Variants in RAB28 observed in about 807,000 individuals in gnomAD.
RAB28 encodes RAB28, member RAS oncogene family.
RAB28 carries 24 observed loss-of-function variants against 31.7 expected under a neutral mutation model. That is an observed-to-expected ratio of 0.76 (90% confidence interval 0.55 to 1.06). The LOEUF (loss-of-function observed/expected upper bound fraction) is 1.06, where lower values mean the gene tolerates loss of function less well. Ranked by LOEUF, RAB28 falls within the 50% of genes least tolerant of loss-of-function variation. The probability of loss-of-function intolerance (pLI) is 0.00; values close to 1 mark genes in which losing one functional copy is unlikely to be tolerated. For synonymous variants in RAB28, 100 were observed against 90.4 expected, an observed-to-expected ratio of 1.11 and a Z score of -0.60; for missense variants, 254 against 258.5, an observed-to-expected ratio of 0.98 and a Z score of 0.12.
At chr4:13,468,178 T>C (rs1180671197) in intron 3 of RAB28, among the ~76,000 whole-genome samples, 1 of 151,958 alleles carries the variant, frequency 6.6e-6, no homozygotes, top group Non-Finnish European at 1.5e-5. Context: ...GAAGACTTTT[T>C]TCATTAAGCA....
chr4:13,436,609 A>G (rs371904277), intron 4 of RAB28, among the ~76,000 whole-genome samples: 2 of 152,110 alleles, frequency 1.3e-5, no homozygotes, highest in African/African-American at 4.8e-5. Context: ...TGCCATAGTA[A>G]CAAAAAATAA....
At chr4:13,404,184 G>C (rs1376527435) in intron 4 of RAB28, among the ~76,000 whole-genome samples, 2 of 152,168 alleles carry the variant, frequency 1.3e-5, no homozygotes, top group African/African-American at 2.4e-5. Context: ...TTTGAGACCA[G>C]CCTGACCAAC....
At chr4:13,438,249 G>T (rs955154603) in intron 4 of RAB28, among the ~76,000 whole-genome samples, 2 of 152,090 alleles carry the variant, frequency 1.3e-5, no homozygotes, top group South Asian at 2.1e-4. Flanking sequence ...ATTGTTTAAG[G>T]TTATAGTTAT....
chr4:13,440,014 A>G (rs1359499970), intron 4 of RAB28, among the ~76,000 whole-genome samples: 2 of 152,228 alleles, frequency 1.3e-5, no homozygotes, highest in African/African-American at 4.8e-5. Context: ...ACAACTAATC[A>G]TAACATATTA....
At chr4:13,399,809 T>G (rs1021032684) in intron 4 of RAB28, among the ~76,000 whole-genome samples, 6 of 152,222 alleles carry the variant, frequency 3.9e-5, no homozygotes, top group Admixed American at 3.3e-4. Flanking sequence ...AGTTATTTTG[T>G]GTTACACACA....
intron 4 of RAB28, among the ~76,000 whole-genome samples, chr4:13,422,072 C>G (rs1295747020): frequency 1.3e-5 from 2 of 151,760 alleles, no homozygotes; most frequent in Non-Finnish European, 2.9e-5. Context: ...AAAAACAACC[C>G]CATCAAAAAG....
At chr4:13,379,752 G>T (rs984082808) in intron 5 of RAB28, among the ~76,000 whole-genome samples, 7 of 152,088 alleles carry the variant, frequency 4.6e-5, no homozygotes, top group Non-Finnish European at 8.8e-5. Flanking sequence ...GGTGGCATCA[G>T]GGAGAAACAA....
At chr4:13,466,827 G>T (rs1018172882) in intron 3 of RAB28, among the ~76,000 whole-genome samples, 7 of 151,736 alleles carry the variant, frequency 4.6e-5, no homozygotes, top group African/African-American at 1.7e-4. Context: ...ATGTATATAT[G>T]CATAACGGAA....
At chr4:13,380,768 A>G (rs1211387011) in intron 5 of RAB28, among the ~76,000 whole-genome samples, 1 of 152,114 alleles carries the variant, frequency 6.6e-6, no homozygotes, top group African/African-American at 2.4e-5. Context: ...CAAAACACCA[A>G]AAGCTTACGG....
At chr4:13,377,442 T>C (rs934811384) in intron 5 of RAB28, among the ~76,000 whole-genome samples, 2 of 152,248 alleles carry the variant, frequency 1.3e-5, no homozygotes, top group South Asian at 2.1e-4. Flanking sequence ...CTTATGCCAC[T>C]TGTACCCTAA....
chr4:13,384,229 C>A (rs1279575649), intron 4 of RAB28, among the ~76,000 whole-genome samples: 1 of 152,188 alleles, frequency 6.6e-6, no homozygotes, highest in Admixed American at 6.5e-5. Context: ...CGCCAGCACC[C>A]GACCCCCATG....
chr4:13,405,245 T>A (rs1332179028), intron 4 of RAB28, among the ~76,000 whole-genome samples: 5 of 152,140 alleles, frequency 3.3e-5, no homozygotes, highest in African/African-American at 1.2e-4. Context: ...AAATGATACA[T>A]TTTAACTTTG....
chr4:13,438,290 A>G (rs961103163), intron 4 of RAB28, among the ~76,000 whole-genome samples: 1 of 152,210 alleles, frequency 6.6e-6, no homozygotes, highest in African/African-American at 2.4e-5. Context: ...CATAATTCAC[A>G]TATCATAAAG....
intron 4 of RAB28, among the ~76,000 whole-genome samples, chr4:13,453,334 T>C (rs1715078004): frequency 1.3e-5 from 2 of 152,166 alleles, no homozygotes; most frequent in African/African-American, 2.4e-5. Context: ...GGTTGTTCTG[T>C]ATACCCTTTG....
At chr4:13,415,266 C>G (rs566989635) in intron 4 of RAB28, among the ~76,000 whole-genome samples, 13 of 152,348 alleles carry the variant, frequency 8.5e-5, no homozygotes, top group South Asian at 6.2e-4. Flanking sequence ...CCCTTGCTCA[C>G]TCTCGGGGCC....
rs761207746 is a variant in RAB28, at chr4:13,474,340, T to C, written c.239A>G (p.Asp80Gly). Residue 80 changes from aspartate (D) to glycine (G), a missense_variant, in exon 3 of 7, where the codon GAT (aspartate) becomes GGT (glycine). Physicochemically the swap from Asp to Gly is moderately conservative, Grantham distance 94 (BLOSUM62 -1). Coordinates refer to ENST00000330852, the MANE Select transcript of RAB28 (RefSeq NM_001017979.3). ...GGQTIGGKML[D>G]KYIYGAQGVL... is the part of the protein sequence containing the mutation. ...TACCTGTGCTCCATAGATATATTTA[T>C]CCAACATTTTGCCTCCTATTGTCTG... 1.9e-6 allele frequency: 3 copies of C among 1,594,426 alleles called. No homozygotes were observed.
At chr4:13,406,007 AATT>A (rs1712058901) in intron 4 of RAB28, among the ~76,000 whole-genome samples, 1 of 152,088 alleles carries the variant, frequency 6.6e-6, no homozygotes, top group African/African-American at 2.4e-5. Flanking sequence ...ACCTTTTTAA[AATT>A]ATTATTATAC....
intron 4 of RAB28, among the ~76,000 whole-genome samples, chr4:13,394,178 A>T (rs1292690531): frequency 1.3e-5 from 2 of 152,188 alleles, no homozygotes; most frequent in Non-Finnish European, 2.9e-5. Context: ...TAGGATAGCC[A>T]TGGAAGACCT....
chr4:13,457,735 C>G (rs1250559449), intron 4 of RAB28, among the ~76,000 whole-genome samples: 2 of 152,246 alleles, frequency 1.3e-5, no homozygotes, highest in African/African-American at 4.8e-5. Context: ...CATGCCACCA[C>G]CAGTCCAGTC....
Sources: gnomAD v4.1 joint callset for allele counts (sites outside exome capture counted in the v4.1 genomes callset) on GRCh38, gnomAD v4.1.1 for gene constraint, MANE v1.5 for transcripts, NCBI Gene and HGNC (gene_info 2026-07-23, HGNC 2026-07-21) for gene names.